Variants in CADM2 observed in about 807,000 individuals in gnomAD.
CADM2 encodes cell adhesion molecule 2.
Under a neutral mutation model 49.8 loss-of-function variants are expected in CADM2, and 12 were observed. The observed-to-expected ratio is 0.24, with a 90% CI of 0.15 to 0.39. CADM2 has a LOEUF of 0.39. Ranked by LOEUF, CADM2 falls within the 10% of genes least tolerant of loss-of-function variation. CADM2 has a pLI of 1.00. For synonymous variants in CADM2, 214 were observed against 175.4 expected (o/e 1.22, Z -1.74); for missense variants, 378 against 492.3 (o/e 0.77, Z 2.20).
chr3:85,116,830 T>C (rs995907918), intron 1 of CADM2, among the ~76,000 whole-genome samples: 8 of 152,132 alleles, frequency 5.3e-5, no homozygotes, highest in Non-Finnish European at 1.2e-4. Flanking sequence ...AAAAAAATCA[T>C]GTTCTTACCT....
chr3:85,570,555 A>AT (rs1339802588), intron 1 of CADM2, among the ~76,000 whole-genome samples: 1 of 152,088 alleles, frequency 6.6e-6, no homozygotes, highest in Non-Finnish European at 1.5e-5. Flanking sequence ...CTGTATTATG[A>AT]TTTTTTTCAG....
chr3:86,066,499 C>G (rs978793386), intron 9 of CADM2, among the ~76,000 whole-genome samples, 166 bp from the exon 10 acceptor site: 1 of 152,060 alleles, frequency 6.6e-6, no homozygotes. Context: ...TCACCTGCAG[C>G]GTACCTGAAA....
intron 8 of CADM2, among the ~76,000 whole-genome samples, chr3:85,989,799 G>A (rs141537170): frequency 0.024 from 3,632 of 151,818 alleles, 174 homozygotes; most frequent in African/African-American, 0.083. Flanking sequence ...ATCACCTGAG[G>A]TCAGGAGTTC....
chr3:85,446,604 G>GTTTTTTT (rs5850688), intron 1 of CADM2, among the ~76,000 whole-genome samples: 2 of 132,016 alleles, frequency 1.5e-5, no homozygotes, highest in Non-Finnish European at 1.6e-5. Context: ...TTTGTTTTTT[G>GTTTTTTT]TTTTTTTTTT....
At chr3:85,894,684 G>A (rs1217989461) in intron 5 of CADM2, among the ~76,000 whole-genome samples, 2 of 152,158 alleles carry the variant, frequency 1.3e-5, no homozygotes, top group Non-Finnish European at 2.9e-5. Context: ...CCTGAGCCAG[G>A]TCCAGGGACT....
chr3:85,370,635 C>G (rs1169063364), intron 1 of CADM2, among the ~76,000 whole-genome samples: 1 of 151,956 alleles, frequency 6.6e-6, no homozygotes, highest in Non-Finnish European at 1.5e-5. Context: ...TGATAGTAAA[C>G]AACTATGTTA....
At chr3:85,517,059 A>G (rs528308088) in intron 1 of CADM2, among the ~76,000 whole-genome samples, 3 of 151,898 alleles carry the variant, frequency 2.0e-5, no homozygotes, top group Admixed American at 6.6e-5. Context: ...AGACAACTAC[A>G]CCACTCTGGT....
At chr3:85,510,892 TA>T (rs1332378241) in intron 1 of CADM2, among the ~76,000 whole-genome samples, 15 of 143,130 alleles carry the variant, frequency 1.0e-4, no homozygotes, top group Non-Finnish European at 1.9e-4. Context: ...ACATTAAAAA[TA>T]AGTAATGTAA....
chr3:86,037,954 T>C (rs1052468239), intron 8 of CADM2, among the ~76,000 whole-genome samples: 1 of 152,084 alleles, frequency 6.6e-6, no homozygotes, highest in Non-Finnish European at 1.5e-5. Flanking sequence ...CCTGCATACA[T>C]TAGGTATTTG....
chr3:85,577,874 A>C (rs986191777), intron 1 of CADM2, among the ~76,000 whole-genome samples: 1 of 152,108 alleles, frequency 6.6e-6, no homozygotes, highest in Non-Finnish European at 1.5e-5. Context: ...AACAATGTAT[A>C]TTCTGTTTAG....
At chr3:85,213,247 G>C (rs1278062003) in intron 1 of CADM2, among the ~76,000 whole-genome samples, 1 of 151,942 alleles carries the variant, frequency 6.6e-6, no homozygotes, top group African/African-American at 2.4e-5. Context: ...TTGTAGAACA[G>C]GTCTGATGTT....
At chr3:85,020,785 G>A (rs1034990426) in intron 1 of CADM2, among the ~76,000 whole-genome samples, 2 of 149,122 alleles carry the variant, frequency 1.3e-5, no homozygotes, top group East Asian at 2.0e-4. Context: ...GTGTGTAGGG[G>A]GTGTGTGTGT....
intron 1 of CADM2, among the ~76,000 whole-genome samples, chr3:85,660,171 A>C (rs1213279710): frequency 6.6e-6 from 1 of 152,114 alleles, no homozygotes; most frequent in Admixed American, 6.6e-5. Flanking sequence ...GGGCCTGCAA[A>C]AAGGGTAAGA....
chr3:85,131,319 A>G (rs2107609781), intron 1 of CADM2, among the ~76,000 whole-genome samples: 1 of 152,374 alleles, frequency 6.6e-6, no homozygotes. Flanking sequence ...TGATTGACAG[A>G]TAGATAGGAC....
At chr3:85,105,881 G>T (rs1389250609) in intron 1 of CADM2, among the ~76,000 whole-genome samples, 1 of 151,844 alleles carries the variant, frequency 6.6e-6, no homozygotes, top group Non-Finnish European at 1.5e-5. Flanking sequence ...ACTCATAGGT[G>T]GGAATTGAAC....
intron 1 of CADM2, among the ~76,000 whole-genome samples, chr3:85,134,288 C>G (rs2039345246): frequency 6.6e-6 from 1 of 152,202 alleles, no homozygotes; most frequent in South Asian, 2.1e-4. Context: ...CTGGCCTTGG[C>G]CAGCCCAGAA....
chr3:85,412,944 A>G (rs893427800), intron 1 of CADM2, among the ~76,000 whole-genome samples: 1 of 151,680 alleles, frequency 6.6e-6, no homozygotes, highest in African/African-American at 2.4e-5. Context: ...GATCTAGACC[A>G]TCCTGGCTAA....
At chr3:85,626,695 G>C (rs2064140742) in intron 1 of CADM2, among the ~76,000 whole-genome samples, 1 of 151,992 alleles carries the variant, frequency 6.6e-6, no homozygotes, top group Non-Finnish European at 1.5e-5. Flanking sequence ...TGCAGCAAAT[G>C]TAATTATTAC....
At chr3:85,198,801 T>A (rs2041411666) in intron 1 of CADM2, among the ~76,000 whole-genome samples, 1 of 151,878 alleles carries the variant, frequency 6.6e-6, no homozygotes, top group Non-Finnish European at 1.5e-5. Context: ...ATGTCTCCAG[T>A]TTTTTTATAA....
Sources: allele counts gnomAD v4.1 joint callset (sites outside exome capture counted in the v4.1 genomes callset), GRCh38; gene constraint gnomAD v4.1.1; transcripts MANE v1.5; gene names NCBI Gene and HGNC (gene_info 2026-07-23, HGNC 2026-07-21).